RBFOX1: variants seen among roughly 807,000 people sequenced by gnomAD.
RBFOX1 encodes RNA binding fox-1 homolog 1, also known as RNA binding protein fox-1 homolog 1.
RBFOX1 carries 8 observed loss-of-function variants against 57.7 expected under a neutral mutation model. The observed-to-expected ratio is 0.14, with a 90% CI of 0.08 to 0.25. The LOEUF (loss-of-function observed/expected upper bound fraction) is 0.25, where lower values mean the gene tolerates loss of function less well. Ranked by LOEUF, RBFOX1 falls within the 10% of genes least tolerant of loss-of-function variation. RBFOX1 has a pLI of 1.00. For synonymous variants in RBFOX1, 326 were observed against 222.4 expected, an observed-to-expected ratio of 1.47 and a Z score of -4.15; for missense variants, 611 against 548.5, an observed-to-expected ratio of 1.11 and a Z score of -1.14.
At chr16:6,913,823 C>G (rs776283802) in intron 3 of RBFOX1, among the ~76,000 whole-genome samples, 22 of 152,178 alleles carry the variant, frequency 1.4e-4, no homozygotes, top group Non-Finnish European at 2.6e-4. Flanking sequence ...AAACTACTTC[C>G]CAGCCCTGCA....
At chr16:5,841,897 G>A (rs78591072) in intron 3 of RBFOX1, among the ~76,000 whole-genome samples, 3 of 152,222 alleles carry the variant, frequency 2.0e-5, no homozygotes, top group Admixed American at 1.3e-4. Context: ...TCAAAGCCGA[G>A]AGTCTCAAGT....
chr16:6,698,100 A>G (rs1278291936), intron 3 of RBFOX1, among the ~76,000 whole-genome samples: 1 of 152,238 alleles, frequency 6.6e-6, no homozygotes, highest in Admixed American at 6.5e-5. Flanking sequence ...TTTGGAAATC[A>G]TAAAATATGC....
At chr16:6,194,187 G>A (rs145875245) in intron 1 of RBFOX1, among the ~76,000 whole-genome samples, 152 of 152,096 alleles carry the variant, frequency 1.0e-3, no homozygotes, top group African/African-American at 3.4e-3. Context: ...TGTTGTTCAG[G>A]CTCTGCAGCT....
chr16:5,696,347 T>G (rs918519722), intron 3 of RBFOX1, among the ~76,000 whole-genome samples: 7 of 152,206 alleles, frequency 4.6e-5, no homozygotes, highest in African/African-American at 1.7e-4. Flanking sequence ...GCCAGTTTAT[T>G]CATTTTAACT....
intron 1 of RBFOX1, among the ~76,000 whole-genome samples, chr16:5,380,054 G>A (rs1057030255): frequency 3.9e-5 from 6 of 152,128 alleles, no homozygotes; most frequent in African/African-American, 7.2e-5. Context: ...ACAGGAAGCC[G>A]GTGACTAAGG....
intron 14 of RBFOX1, among the ~76,000 whole-genome samples, chr16:7,707,082 A>T (rs1048695210): frequency 1.3e-4 from 20 of 152,340 alleles, no homozygotes; most frequent in African/African-American, 4.8e-4. Flanking sequence ...TTCACCTCAG[A>T]AGAGAGGCAT....
chr16:6,341,960 T>G (rs2084640584), intron 2 of RBFOX1, among the ~76,000 whole-genome samples: 1 of 152,244 alleles, frequency 6.6e-6, no homozygotes, highest in Admixed American at 6.5e-5. Flanking sequence ...ATTAGCAACC[T>G]TAATTCCATC....
intron 10 of RBFOX1, among the ~76,000 whole-genome samples, chr16:7,609,738 T>C (rs1414537137): frequency 1.3e-5 from 2 of 152,168 alleles, no homozygotes; most frequent in African/African-American, 4.8e-5. Flanking sequence ...GGAGGCCAGA[T>C]TTTGAAATCA....
At chr16:6,534,742 A>C (rs1223180513) in intron 2 of RBFOX1, among the ~76,000 whole-genome samples, 1 of 152,154 alleles carries the variant, frequency 6.6e-6, no homozygotes, top group Non-Finnish European at 1.5e-5. Flanking sequence ...GGAGAAGGGA[A>C]TTTTCTAAGG....
intron 3 of RBFOX1, among the ~76,000 whole-genome samples, chr16:6,690,254 T>C (rs2060013486): frequency 6.6e-6 from 1 of 152,138 alleles, no homozygotes; most frequent in Admixed American, 6.5e-5. Flanking sequence ...TATTTGATTT[T>C]ATCTTATTGG....
At chr16:5,440,126 G>A (rs892877161) in intron 1 of RBFOX1, among the ~76,000 whole-genome samples, 1 of 152,186 alleles carries the variant, frequency 6.6e-6, no homozygotes, top group African/African-American at 2.4e-5. Context: ...CTATATCAGT[G>A]GGATAATGTA....
At chr16:6,870,460 G>A (rs549317701) in intron 3 of RBFOX1, among the ~76,000 whole-genome samples, 7 of 152,228 alleles carry the variant, frequency 4.6e-5, no homozygotes, top group South Asian at 2.1e-4. Flanking sequence ...GTTGACACAC[G>A]TCTGGCTAGC....
intron 1 of RBFOX1, among the ~76,000 whole-genome samples, chr16:6,069,199 G>T (rs1035755821): frequency 3.3e-5 from 5 of 152,004 alleles, no homozygotes; most frequent in Admixed American, 1.3e-4. Flanking sequence ...GGGAGTTGGA[G>T]ACCAGCCTGA....
chr16:7,242,173 G>A (rs1229502379), intron 4 of RBFOX1, among the ~76,000 whole-genome samples: 1 of 152,124 alleles, frequency 6.6e-6, no homozygotes, highest in Non-Finnish European at 1.5e-5. Flanking sequence ...TATATGTGTA[G>A]GTCATGCACT....
intron 1 of RBFOX1, among the ~76,000 whole-genome samples, chr16:6,271,347 C>G (rs1184437179): frequency 6.6e-6 from 1 of 152,134 alleles, no homozygotes; most frequent in Admixed American, 6.6e-5. Flanking sequence ...TCATTTGAAT[C>G]CAGGAGGTGG....
At chr16:6,076,333 C>T (rs1008081237) in intron 1 of RBFOX1, among the ~76,000 whole-genome samples, 7 of 150,434 alleles carry the variant, frequency 4.7e-5, no homozygotes, top group South Asian at 2.1e-4. Flanking sequence ...CAAACACACG[C>T]GCACACACAC....
chr16:5,764,603 C>A (rs1245578539), intron 3 of RBFOX1, among the ~76,000 whole-genome samples: 4 of 152,102 alleles, frequency 2.6e-5, no homozygotes, highest in African/African-American at 9.7e-5. Flanking sequence ...AAGGGCCCAT[C>A]CCTTGCATGC....
At chr16:7,086,096 T>A (rs2059941618) in intron 4 of RBFOX1, among the ~76,000 whole-genome samples, 2 of 152,198 alleles carry the variant, frequency 1.3e-5, no homozygotes, top group African/African-American at 2.4e-5. Flanking sequence ...GGTGATTCTC[T>A]CCATCATGCT....
chr16:6,094,420 G>T (rs997164467), intron 1 of RBFOX1, among the ~76,000 whole-genome samples: 2 of 152,122 alleles, frequency 1.3e-5, no homozygotes, highest in Admixed American at 6.5e-5. Context: ...AACCTAAAAC[G>T]CTTGGACTCA....
Sources: allele counts gnomAD v4.1 joint callset (sites outside exome capture counted in the v4.1 genomes callset), GRCh38; gene constraint gnomAD v4.1.1; transcripts MANE v1.5; gene names NCBI Gene and HGNC (gene_info 2026-07-23, HGNC 2026-07-21).